Variants in MTUS1 observed in about 807,000 individuals in gnomAD.
The protein encoded by MTUS1 is microtubule-associated tumor suppressor 1.
Under a neutral mutation model 120.8 loss-of-function variants are expected in MTUS1, and 109 were observed. That is an observed-to-expected ratio of 0.90 (90% CI 0.77 to 1.06). The LOEUF (loss-of-function observed/expected upper bound fraction) is 1.06, where lower values mean the gene tolerates loss of function less well. MTUS1 is among the 50% of genes least tolerant of loss of function. MTUS1 has a pLI of 0.00. For missense variants in MTUS1, 2,210 were observed against 1,486.3 expected, an observed-to-expected ratio of 1.49 and a Z score of -8.01; for synonymous variants, 737 against 550.5, an observed-to-expected ratio of 1.34 and a Z score of -4.74.
Position 17,675,246 on chromosome 8 carries a change from C to T in MTUS1, c.2845G>A (p.Glu949Lys), listed in dbSNP as rs758978161. The change falls in exon 8 of 15, where the codon GAA (glutamate) becomes AAA (lysine). Residue 949 changes from glutamate to lysine, a missense_variant. Transcript: ENST00000693296. ...VIQHLLSERE[E>K]ALKQHKTLSQ... ...AGGGTTTTGTGTTGTTTCAGTGCTTCCTCCCGCTGCGGAAAACACACATCA... is the reference window on the plus strand; with the variant it reads ...AGGGTTTTGTGTTGTTTCAGTGCTTTCTCCCGCTGCGGAAAACACACATCA... 3.7e-5 allele frequency: 59 copies of T among 1,613,966 alleles called. No homozygotes were observed. In the South Asian group the frequency reaches 6.2e-4, roughly 17 times the overall value.
Position 17,743,684 on chromosome 8 carries a change from A to C in MTUS1, c.2207T>G (p.Leu736Trp). The C allele has an allele frequency of 1.2e-6, 2 of 1,614,120 alleles. No individual in the cohort carries two copies. Among genetic ancestry groups the C allele is most frequent in the Non-Finnish European group, 1.7e-6 (2 of 1,180,028 alleles). ...ATTTCTATTGTCACTGTTCCGCCTC[A>C]AACAGGAAACAGGGGGCCCCACTTT... ...KAKVGPPVSC[L>W]RRNSDNRNPS... Residue 736 changes from leucine to tryptophan, a missense_variant, in exon 3 of 15, where the codon TTG becomes TGG. Leu to Trp is a moderately conservative substitution (Grantham distance 61, BLOSUM62 -2). Coordinates refer to ENST00000693296, the MANE Select transcript of MTUS1 (RefSeq NM_001363059.2).
chr8:17,765,962 G>C (rs2131409269), intron 1 of MTUS1, among the ~76,000 whole-genome samples: 1 of 151,972 alleles, frequency 6.6e-6, no homozygotes, highest in East Asian at 1.9e-4. Context: ...TATCATTTAA[G>C]ATATCATTTA....
At chr8:17,753,260 C>T (rs2048330019) in intron 2 of MTUS1, among the ~76,000 whole-genome samples, 1 of 152,176 alleles carries the variant, frequency 6.6e-6, no homozygotes, top group African/African-American at 2.4e-5. Flanking sequence ...GGCTCTACTT[C>T]CCAGAGCTGC....
At chr8:17,751,540 G>C (rs11203908) in intron 2 of MTUS1, among the ~76,000 whole-genome samples, 14,904 of 150,070 alleles carry the variant, frequency 0.099, 826 homozygotes, top group South Asian at 0.16. Flanking sequence ...CAAAATTAGA[G>C]AGCACTGTGC....
intron 2 of MTUS1, among the ~76,000 whole-genome samples, chr8:17,747,267 A>G (rs1351935785): frequency 1.3e-5 from 2 of 152,130 alleles, no homozygotes; most frequent in Non-Finnish European, 2.9e-5. Context: ...AAATCTTCTC[A>G]TATTTCTTCA....
At chr8:17,714,038 G>C (rs1197116543) in intron 5 of MTUS1, among the ~76,000 whole-genome samples, 1 of 152,152 alleles carries the variant, frequency 6.6e-6, no homozygotes, top group Non-Finnish European at 1.5e-5. Context: ...AGTTATTTTA[G>C]TATCAAAGTT....
chr8:17,749,659 C>CAAAAAAAAAAAA, intron 2 of MTUS1, among the ~76,000 whole-genome samples: 1 of 76,414 alleles, frequency 1.3e-5, no homozygotes. Context: ...GAATCTGTCT[C>CAAAAAAAAAAAA]AAAAAAAAAA....
chr8:17,711,868 T>C (rs1411728559), intron 6 of MTUS1, among the ~76,000 whole-genome samples: 1 of 152,142 alleles, frequency 6.6e-6, no homozygotes, highest in Non-Finnish European at 1.5e-5. Flanking sequence ...AATATTATTG[T>C]GTCTCAGGGA....
intron 3 of MTUS1, among the ~76,000 whole-genome samples, chr8:17,725,395 C>G (rs1274566650): frequency 6.6e-6 from 1 of 152,174 alleles, no homozygotes; most frequent in Non-Finnish European, 1.5e-5. Flanking sequence ...TCGGCTCCAG[C>G]CTCACTCTTG....
intron 2 of MTUS1, among the ~76,000 whole-genome samples, chr8:17,751,296 T>C (rs1309349939): frequency 6.6e-6 from 1 of 151,990 alleles, no homozygotes; most frequent in African/African-American, 2.4e-5. Flanking sequence ...AGACTCCATC[T>C]CAAAGAAAAA....
At chr8:17,700,325 C>T (rs1818794746) in intron 6 of MTUS1, among the ~76,000 whole-genome samples, 1 of 151,908 alleles carries the variant, frequency 6.6e-6, no homozygotes, top group African/African-American at 2.4e-5. Flanking sequence ...AAAAAATTAG[C>T]TGGGCATGGT....
chr8:17,755,665 G>A lies in MTUS1; in HGVS notation c.143C>T (p.Ser48Phe), dbSNP rs200794917. The change falls in exon 2 of 15, where the codon TCT becomes TTT. Residue 48 changes from serine to phenylalanine, a missense_variant. Coordinates refer to ENST00000693296, the MANE Select transcript of MTUS1 (RefSeq NM_001363059.2). ...AACCACCATGTCATCTGGGTTGGCA[G>A]AATTCCAGTTCACACTGCTGGCTGA... ...NSSASSVNWN[S>F]ANPDDMVVDY... is the part of the protein sequence containing the mutation. 2.5e-6 allele frequency: 4 copies of A among 1,614,242 alleles called. No individual in the cohort carries two copies. Among genetic ancestry groups the A allele is most frequent in the Non-Finnish European group, 3.4e-6 (4 of 1,180,034 alleles).
At chr8:17,775,231 G>A (rs1745100650) in intron 1 of MTUS1, among the ~76,000 whole-genome samples, 1 of 151,998 alleles carries the variant, frequency 6.6e-6, no homozygotes, top group Non-Finnish European at 1.5e-5. Context: ...CTCAAAAATG[G>A]TTGAAAACGT....
At chr8:17,707,349 C>A (rs1036982910) in intron 6 of MTUS1, among the ~76,000 whole-genome samples, 27 of 152,256 alleles carry the variant, frequency 1.8e-4, no homozygotes, top group African/African-American at 5.8e-4. Context: ...TTGTTGTGGT[C>A]CTCTGTCCAC....
At chr8:17,665,094 G>C (rs1343601193) in intron 8 of MTUS1, among the ~76,000 whole-genome samples, 4 of 152,186 alleles carry the variant, frequency 2.6e-5, no homozygotes, top group Non-Finnish European at 5.9e-5. Context: ...TTCCCAGCCT[G>C]TGGAATAATC....
chr8:17,794,766 G>C (rs2052083870), intron 1 of MTUS1, among the ~76,000 whole-genome samples: 1 of 152,206 alleles, frequency 6.6e-6, no homozygotes, highest in South Asian at 2.1e-4. Context: ...GACTTAATCA[G>C]AATTCTGGGA....
intron 1 of MTUS1, among the ~76,000 whole-genome samples, chr8:17,757,868 A>C (rs985025124): frequency 6.6e-6 from 1 of 152,130 alleles, no homozygotes; most frequent in Non-Finnish European, 1.5e-5. Flanking sequence ...CTTTTGGTCA[A>C]ACTGCAGTGC....
intron 1 of MTUS1, among the ~76,000 whole-genome samples, chr8:17,763,498 T>C (rs1236263795): frequency 6.6e-6 from 1 of 152,160 alleles, no homozygotes; most frequent in Non-Finnish European, 1.5e-5. Context: ...ACTCACTCCA[T>C]CCAGGAGAAG....
At chr8:17,700,673 G>A (rs1203339321) in intron 6 of MTUS1, among the ~76,000 whole-genome samples, 1 of 149,496 alleles carries the variant, frequency 6.7e-6, no homozygotes, top group Non-Finnish European at 1.5e-5. Context: ...TTTATTATAT[G>A]TTTTTGTATT....
Sources: gnomAD v4.1 joint callset for allele counts (sites outside exome capture counted in the v4.1 genomes callset) on GRCh38, gnomAD v4.1.1 for gene constraint, MANE v1.5 for transcripts, NCBI Gene and HGNC (gene_info 2026-07-23, HGNC 2026-07-21) for gene names.